MYT1L: variants seen among roughly 807,000 people sequenced by gnomAD.
MYT1L encodes the protein myelin transcription factor 1 like, also known as myelin transcription factor 1-like protein.
In MYT1L, 12 loss-of-function variants were observed where a neutral mutation model predicts 126.7. The observed-to-expected ratio is 0.09, with a 90% confidence interval of 0.06 to 0.15. MYT1L has a LOEUF of 0.15. MYT1L is among the 10% of genes least tolerant of loss of function. The pLI, the probability that MYT1L is intolerant of heterozygous loss-of-function variation, is 1.00. For missense variants in MYT1L, 979 were observed against 1,585.2 expected (o/e 0.62, Z 6.49); for synonymous variants, 541 against 604.2 (o/e 0.90, Z 1.53).
chr2:1,798,747 G>C (rs1572338357), intron 23 of MYT1L, among the ~76,000 whole-genome samples: 1 of 152,212 alleles, frequency 6.6e-6, no homozygotes, highest in Admixed American at 6.5e-5. Context: ...AAAATGCAAG[G>C]GGCATGAAGG....
In MYT1L at chr2:1,929,938, G is replaced by A. The variant is rs539821356; in HGVS notation, c.506-6675C>T. Among the ~76,000 whole-genome samples the A allele has an allele frequency of 2.0e-5, 3 of 152,282 alleles. No individual in the cohort carries two copies. The highest frequency in any genetic ancestry group is 4.4e-5 in the Non-Finnish European group (3 of 68,040). On this transcript the variant is annotated intron_variant, in intron 9 of 24. Transcript: ENST00000647738. This position sits in a 1 kb window ranked among gnomAD's most constrained non-coding sequence, Gnocchi z 4.7. ...CGGGACATATTCGGAGGGTCACAAC[G>A]CAGTGTCATCTCTAAGATAATTTTC...
At chr2:2,086,953 A>G (rs2076417715) in intron 3 of MYT1L, among the ~76,000 whole-genome samples, 1 of 152,134 alleles carries the variant, frequency 6.6e-6, no homozygotes, top group Admixed American at 6.5e-5. Flanking sequence ...AAGCAAAATC[A>G]ATTTATTATG....
intron 14 of MYT1L, among the ~76,000 whole-genome samples, chr2:1,900,901 C>A (rs985843893): frequency 2.0e-5 from 3 of 152,130 alleles, no homozygotes; most frequent in African/African-American, 7.2e-5. Flanking sequence ...AGGGCCTCTG[C>A]CGGGAATGCG....
chr2:2,185,556 G>A (rs1366407436), intron 2 of MYT1L, among the ~76,000 whole-genome samples: 20 of 148,364 alleles, frequency 1.3e-4, no homozygotes, highest in Non-Finnish European at 2.4e-4. Context: ...GGGCCTCCTC[G>A]AGTCCCGCGT....
intron 18 of MYT1L, among the ~76,000 whole-genome samples, chr2:1,876,484 AC>A (rs35178537): frequency 0.016 from 2,424 of 150,140 alleles, 39 homozygotes; most frequent in Non-Finnish European, 0.027. Flanking sequence ...AGGGACCCTG[AC>A]CCCCCCGTCC....
chr2:2,116,884 C>G (rs1180056931), intron 3 of MYT1L, among the ~76,000 whole-genome samples: 1 of 152,240 alleles, frequency 6.6e-6, no homozygotes, highest in African/African-American at 2.4e-5. Context: ...CTGGAGCCAT[C>G]CTGGGCATCA....
chr2:1,929,588 A>T lies in MYT1L; in HGVS notation c.506-6325T>A, dbSNP rs968327558. Among the ~76,000 whole-genome samples the T allele has an allele frequency of 6.6e-6, 1 of 152,240 alleles. No individual in the cohort carries two copies. The highest frequency in any genetic ancestry group is 2.4e-5 in the African/African-American group (1 of 41,460). On this transcript the variant is annotated intron_variant, in intron 9 of 24. Coordinates refer to ENST00000647738, the MANE Select transcript of MYT1L (RefSeq NM_001303052.2). This position sits in a 1 kb window ranked among gnomAD's most constrained non-coding sequence, Gnocchi z 4.7. ...TTCCAGTATCATAGGAAATTTTCAG[A>T]ATAGTCTGTCCATATGCACAGTTCA...
chr2:1,816,553 C>A (rs2037680931), intron 21 of MYT1L: 1 of 152,884 alleles, frequency 6.5e-6, no homozygotes, highest in Non-Finnish European at 1.5e-5. Context: ...CGTGAGGAGC[C>A]AAGGACATTC....
intron 2 of MYT1L, among the ~76,000 whole-genome samples, chr2:2,202,506 A>C (rs1426881758): frequency 6.6e-6 from 1 of 152,216 alleles, no homozygotes; most frequent in Admixed American, 6.5e-5. Context: ...GTACACAAAT[A>C]AACTAGAAAA....
chr2:2,170,590 T>C (rs2089893312), intron 3 of MYT1L, among the ~76,000 whole-genome samples: 1 of 152,260 alleles, frequency 6.6e-6, no homozygotes. Flanking sequence ...TATGTGAAGA[T>C]GTATTTTCAT....
At chr2:2,170,529 C>A (rs1339677781) in intron 3 of MYT1L, among the ~76,000 whole-genome samples, 1 of 152,150 alleles carries the variant, frequency 6.6e-6, no homozygotes, top group African/African-American at 2.4e-5. Context: ...AATGTTGGCC[C>A]ACCAGGTCTA....
chr2:1,809,229 G>T, intron 21 of MYT1L, 62 bp from the exon 22 acceptor site: 1 of 1,476,182 alleles, frequency 6.8e-7, no homozygotes, highest in Non-Finnish European at 9.5e-7. Context: ...CTGCAGGGAA[G>T]TGGTGGTAAG....
At chr2:1,907,594 C>T (rs1041810138) in intron 13 of MYT1L, among the ~76,000 whole-genome samples, 4 of 152,248 alleles carry the variant, frequency 2.6e-5, no homozygotes, top group Non-Finnish European at 5.9e-5. Flanking sequence ...ACGCCACACC[C>T]TGACAGAGGC....
At chr2:2,008,234 G>A (rs2063511101) in intron 4 of MYT1L, among the ~76,000 whole-genome samples, 1 of 152,180 alleles carries the variant, frequency 6.6e-6, no homozygotes, top group African/African-American at 2.4e-5. Context: ...TCCTCAAACT[G>A]TCCTTGAAAA....
chr2:2,100,581 G>A (rs1278863613), intron 3 of MYT1L, among the ~76,000 whole-genome samples: 2 of 152,102 alleles, frequency 1.3e-5, no homozygotes, highest in African/African-American at 4.8e-5. Flanking sequence ...ATGGACACTG[G>A]TCTCCACAGA....
At chr2:2,119,128 C>T (rs1042634781) in intron 3 of MYT1L, among the ~76,000 whole-genome samples, 4 of 152,322 alleles carry the variant, frequency 2.6e-5, no homozygotes, top group Non-Finnish European at 5.9e-5. Flanking sequence ...CACAGCTTCA[C>T]GCTAACAGGA....
At chr2:2,174,559 T>G (rs1377060315) in intron 2 of MYT1L, among the ~76,000 whole-genome samples, 2 of 150,636 alleles carry the variant, frequency 1.3e-5, no homozygotes, top group Non-Finnish European at 2.9e-5. Context: ...ACAGCGCATG[T>G]GGAGACTCCC....
intron 8 of MYT1L, among the ~76,000 whole-genome samples, chr2:1,944,579 T>A (rs1305274733): frequency 6.6e-6 from 1 of 152,064 alleles, no homozygotes; most frequent in East Asian, 1.9e-4. Flanking sequence ...ACACCTTGAC[T>A]AGCTTGGCTT....
chr2:2,089,065 A>G (rs1302558431), intron 3 of MYT1L, among the ~76,000 whole-genome samples: 1 of 152,238 alleles, frequency 6.6e-6, no homozygotes, highest in African/African-American at 2.4e-5. Context: ...ATACATCAGT[A>G]GAACAGATCT....
Sources: allele counts gnomAD v4.1 joint callset (sites outside exome capture counted in the v4.1 genomes callset), GRCh38; gene constraint gnomAD v4.1.1; non-coding constraint Gnocchi (gnomAD v3.1); transcripts MANE v1.5; gene names NCBI Gene and HGNC (gene_info 2026-07-23, HGNC 2026-07-21).